Variants in CSMD1 observed in about 807,000 individuals in gnomAD.
The protein encoded by CSMD1 is CUB and Sushi multiple domains 1, also known as CUB and sushi domain-containing protein 1.
A neutral mutation model predicts 417.5 loss-of-function variants in CSMD1; 213 were observed. The observed-to-expected ratio is 0.51, with a 90% confidence interval of 0.46 to 0.57. CSMD1 has a LOEUF of 0.57. Ranked by LOEUF, CSMD1 falls within the 20% of genes least tolerant of loss-of-function variation. The pLI is 0.00. For missense variants in CSMD1, 6,923 were observed against 4,529.7 expected, an observed-to-expected ratio of 1.53 and a Z score of -15.17; for synonymous variants, 2,862 against 1,736.8, an observed-to-expected ratio of 1.65 and a Z score of -16.11.
chr8:3,977,275 G>A (rs1344606951), intron 5 of CSMD1, among the ~76,000 whole-genome samples: 1 of 152,080 alleles, frequency 6.6e-6, no homozygotes, highest in Non-Finnish European at 1.5e-5. Flanking sequence ...TATGATCCAA[G>A]GAGATTGTGG....
At chr8:4,806,818 G>C (rs933758139) in intron 1 of CSMD1, among the ~76,000 whole-genome samples, 8 of 152,116 alleles carry the variant, frequency 5.3e-5, no homozygotes, top group Non-Finnish European at 1.0e-4. Context: ...ATGAATTTGA[G>C]GGAAGCAGTA....
intron 12 of CSMD1, among the ~76,000 whole-genome samples, chr8:3,418,285 C>G (rs990613583): frequency 6.6e-6 from 1 of 152,086 alleles, no homozygotes; most frequent in Non-Finnish European, 1.5e-5. Context: ...AATGAACTGT[C>G]TCAGCAGCTC....
intron 1 of CSMD1, among the ~76,000 whole-genome samples, chr8:4,829,163 C>G (rs765665082): frequency 1.4e-4 from 21 of 152,128 alleles, no homozygotes; most frequent in Non-Finnish European, 2.8e-4. Flanking sequence ...TGTTGCAATT[C>G]CACAGCCAAT....
At chr8:3,639,152 C>G (rs988803427) in intron 7 of CSMD1, among the ~76,000 whole-genome samples, 2 of 152,254 alleles carry the variant, frequency 1.3e-5, no homozygotes, top group African/African-American at 4.8e-5. Context: ...TTAAGCCTTG[C>G]AGTAAAGGCC....
intron 6 of CSMD1, among the ~76,000 whole-genome samples, chr8:3,713,518 C>T (rs1015688011): frequency 1.3e-5 from 2 of 152,258 alleles, no homozygotes; most frequent in African/African-American, 4.8e-5. Context: ...CCCCAGCCCC[C>T]ACAGCCAGAC....
chr8:4,102,799 C>T (rs1394211672), intron 3 of CSMD1, among the ~76,000 whole-genome samples: 1 of 152,136 alleles, frequency 6.6e-6, no homozygotes, highest in Non-Finnish European at 1.5e-5. Context: ...TTTTCTCCTT[C>T]AGCAGTTGTG....
intron 3 of CSMD1, among the ~76,000 whole-genome samples, chr8:4,217,815 C>T (rs917103579): frequency 1.3e-5 from 2 of 152,188 alleles, no homozygotes; most frequent in East Asian, 1.9e-4. Flanking sequence ...GTCGATCACC[C>T]TCTCAAGTAA....
chr8:4,328,105 C>G (rs1585240970), intron 3 of CSMD1, among the ~76,000 whole-genome samples: 1 of 152,126 alleles, frequency 6.6e-6, no homozygotes, highest in East Asian at 1.9e-4. Context: ...ACTATGCAAA[C>G]AAGTCACTAT....
At chr8:3,913,714 G>A (rs2912288) in intron 5 of CSMD1, among the ~76,000 whole-genome samples, 44,442 of 151,982 alleles carry the variant, frequency 0.29, 7,202 homozygotes, top group African/African-American at 0.43. Flanking sequence ...ATGGAAGCAT[G>A]CAGGGAAGGC....
At chr8:3,589,367 TAAAG>T (rs1563178890) in intron 8 of CSMD1, among the ~76,000 whole-genome samples, 3 of 133,588 alleles carry the variant, frequency 2.2e-5, no homozygotes, top group African/African-American at 8.7e-5. Flanking sequence ...GAGAAATGGA[TAAAG>T]AAAATGTGGT....
chr8:3,255,201 G>A lies in CSMD1; in HGVS notation c.4154-24970C>T, dbSNP rs572519752. ...AGAGCAGTGGATATTGGTGAACAGC[G>A]AATGTTGCTGCCTGACCATTCCTCT... On this transcript the variant is annotated intron_variant, in intron 26 of 69. Coordinates refer to ENST00000635120, the MANE Select transcript of CSMD1 (RefSeq NM_033225.6). 1.6e-4 allele frequency among the ~76,000 whole-genome samples: 24 copies of A among 152,210 alleles called. No homozygotes were observed. In the South Asian group the frequency reaches 3.7e-3, roughly 24 times the overall value.
At chr8:3,693,047 GTTC>G (rs1307539904) in intron 7 of CSMD1, among the ~76,000 whole-genome samples, 2 of 152,046 alleles carry the variant, frequency 1.3e-5, no homozygotes, top group Non-Finnish European at 2.9e-5. Flanking sequence ...CAATATTAAA[GTTC>G]TTCTTAGTAA....
At position 4,084,123 on chromosome 8, in the gene CSMD1, C is replaced by G. The variant is rs567519524; in HGVS notation, c.416-52024G>C. ...TCGGAAAGGTAAAACCACAATATGT[C>G]TGCTCTTATGACTAAATTATTTTTA... is the stretch of plus-strand genomic sequence containing the variant. On this transcript the variant is annotated intron_variant, in intron 3 of 69. Transcript: ENST00000635120. 3.3e-5 allele frequency among the ~76,000 whole-genome samples: 5 copies of G among 152,214 alleles called. No individual in the cohort carries two copies. In the Middle Eastern group the frequency reaches 0.017, roughly 521 times the overall value.
chr8:4,787,486 GA>G, intron 1 of CSMD1: 1 of 882,544 alleles, frequency 1.1e-6, no homozygotes, highest in Non-Finnish European at 1.9e-6. Flanking sequence ...CAATCTCAAA[GA>G]AAATCACCAG....
intron 26 of CSMD1, among the ~76,000 whole-genome samples, chr8:3,259,223 G>T (rs1312275721): frequency 6.6e-6 from 1 of 152,160 alleles, no homozygotes; most frequent in African/African-American, 2.4e-5. Context: ...AATCTGAAAG[G>T]CGTTTTCTAA....
chr8:4,142,081 A>G (rs13279547), intron 3 of CSMD1, among the ~76,000 whole-genome samples: 45,209 of 150,912 alleles, frequency 0.3, 8,415 homozygotes, highest in Non-Finnish European at 0.39. Flanking sequence ...ATAACTCCAT[A>G]CTGGAACATT....
intron 2 of CSMD1, among the ~76,000 whole-genome samples, chr8:4,628,017 C>T (rs1802224326): frequency 1.3e-5 from 2 of 151,838 alleles, no homozygotes. Context: ...TCTCTAGATA[C>T]TGCCACTGTT....
At chr8:3,493,550 C>G (rs985698769) in intron 11 of CSMD1, 73 bp downstream of exon 11, 2 of 1,274,674 alleles carry the variant, frequency 1.6e-6, no homozygotes, top group African/African-American at 1.5e-5. Context: ...AAGCCTGTAG[C>G]AGAATCTCAT....
intron 1 of CSMD1, among the ~76,000 whole-genome samples, chr8:4,829,863 A>G (rs141415014): frequency 3.2e-4 from 49 of 152,290 alleles, no homozygotes; most frequent in African/African-American, 1.2e-3. Flanking sequence ...GGCTGGTCAG[A>G]GTGGTACAAA....
Sources: gnomAD v4.1 joint callset for allele counts (sites outside exome capture counted in the v4.1 genomes callset) on GRCh38, gnomAD v4.1.1 for gene constraint, MANE v1.5 for transcripts, NCBI Gene and HGNC (gene_info 2026-07-23, HGNC 2026-07-21) for gene names.